MYCBPAP: variants seen among roughly 807,000 people sequenced by gnomAD.
The protein encoded by MYCBPAP is MYCBP associated protein.
In MYCBPAP, 60 loss-of-function variants were observed where a neutral mutation model predicts 106.1. The observed-to-expected ratio is 0.57, with a 90% confidence interval of 0.46 to 0.70. MYCBPAP has a LOEUF of 0.70. MYCBPAP is among the 30% of genes least tolerant of loss of function. MYCBPAP has a pLI of 0.00. For missense variants in MYCBPAP, 1,064 were observed against 1,169.3 expected (o/e 0.91, Z 1.31); for synonymous variants, 407 against 440.6 (o/e 0.92, Z 0.95).
At chr17:50,508,912 G>T in intron 1 of MYCBPAP, 162 bp downstream of exon 1, 1 of 756,150 alleles carries the variant, frequency 1.3e-6, no homozygotes. Flanking sequence ...GGGATGGGGG[G>T]CAAGGCAGGA....
At chr17:50,514,141 G>A (rs1040877953) in intron 1 of MYCBPAP, among the ~76,000 whole-genome samples, 3 of 152,074 alleles carry the variant, frequency 2.0e-5, no homozygotes, top group South Asian at 4.2e-4. Context: ...CTCCCATCTC[G>A]GCCTCTCAAA....
chr17:50,516,463 C>T, intron 1 of MYCBPAP, 107 bp from the exon 2 acceptor site: 1 of 1,334,276 alleles, frequency 7.5e-7, no homozygotes, highest in South Asian at 1.6e-5. Flanking sequence ...AGCTCTGCCC[C>T]CCACCATGGA....
At chr17:50,527,237 G>A in intron 14 of MYCBPAP, 50 bp from the exon 15 acceptor site, 1 of 1,610,178 alleles carries the variant, frequency 6.2e-7, no homozygotes, top group Non-Finnish European at 8.5e-7. Flanking sequence ...CTTCACTAGA[G>A]GACACAGCCT....
At chr17:50,529,480 G>A (rs1275019599) in intron 18 of MYCBPAP, 8 of 400,748 alleles carry the variant, frequency 2.0e-5, no homozygotes, top group East Asian at 5.6e-5. Flanking sequence ...CCAAGTAGAC[G>A]TCCAGTAAAG....
chr17:50,510,499 G>GTGTGTATATATATATA (rs1418345705), intron 1 of MYCBPAP: 17 of 76,416 alleles, frequency 2.2e-4, no homozygotes, highest in East Asian at 8.5e-4. Flanking sequence ...GTGTGTGTGT[G>GTGTGTATATATATATA]TATATATATA....
chr17:50,525,292 T>C (rs142395511), intron 13 of MYCBPAP, among the ~76,000 whole-genome samples: 2 of 152,306 alleles, frequency 1.3e-5, no homozygotes, highest in East Asian at 3.9e-4. Context: ...CCTGAAACCA[T>C]TCCCCAACTC....
At chr17:50,510,499 G>GTATGTATA (rs1555618059) in intron 1 of MYCBPAP, 3 of 76,414 alleles carry the variant, frequency 3.9e-5, no homozygotes, top group Admixed American at 1.6e-4. Flanking sequence ...GTGTGTGTGT[G>GTATGTATA]TATATATATA....
In MYCBPAP at chr17:50,510,497, G is replaced by C. The variant is rs199804519; in HGVS notation, c.76+1747G>C. 80 of 89,498 alleles carry C rather than the reference G, an allele frequency of 8.9e-4. 1 individual carries two copies. Among genetic ancestry groups the C allele is most frequent in the African/African-American group, 4.1e-3 (79 of 19,450 alleles). 5.5% of individuals were successfully genotyped at this position (89,498 alleles called of 1,614,324 possible). A position where few individuals can be genotyped will look rare whatever the true frequency, so the allele number is the denominator to read the frequency against. On this transcript the variant is annotated intron_variant, in intron 1 of 18. Coordinates refer to ENST00000323776, the MANE Select transcript of MYCBPAP (RefSeq NM_032133.6). ...TATGTGTGTGTGTGTGTGTGTGTGT[G>C]TGTATATATATATATATATATATAT...
In MYCBPAP at chr17:50,519,088, A is replaced by G; in HGVS notation, c.767A>G (p.Lys256Arg). 6.2e-7 allele frequency: 1 copy of G among 1,609,548 alleles called. No homozygotes were observed. Among genetic ancestry groups the G allele is most frequent in the South Asian group, 1.1e-5 (1 of 90,934 alleles). ...DCTLPTRRDR[K>R]SWENSGFWSR... Reference sequence around the variant, plus strand: ...ACACTTCCAACCCGGCGTGATAGGAAAGTGAGGCCACCTGTCCTAAGTGCC... The same window carrying G: ...ACACTTCCAACCCGGCGTGATAGGAGAGTGAGGCCACCTGTCCTAAGTGCC... The change falls in exon 6 of 19, where the codon AAA becomes AGA. Residue 256 changes from lysine to arginine, a missense_variant and splice_region_variant. Lys to Arg is a conservative substitution (Grantham distance 26). Coordinates refer to ENST00000323776, the MANE Select transcript of MYCBPAP (RefSeq NM_032133.6).
At position 50,522,040 on chromosome 17, in the gene MYCBPAP, A is replaced by G. The variant is rs758192884; in HGVS notation, c.1216A>G (p.Lys406Glu). ...ILGPSLLFCGKPACWIRGSNP... is the reference protein window; with the variant it reads ...ILGPSLLFCGEPACWIRGSNP... Reference sequence around the variant, plus strand: ...CGGCCCTTCTCTGCTGTTCTGTGGGAAGCCAGCTTGCTGGATCAGAGGCAG... The same window carrying G: ...CGGCCCTTCTCTGCTGTTCTGTGGGGAGCCAGCTTGCTGGATCAGAGGCAG... Residue 406 changes from lysine (K) to glutamate (E), a missense_variant, in exon 10 of 19, where the codon AAG becomes GAG. Physicochemically the swap from Lys to Glu is moderately conservative, Grantham distance 56. Transcript: ENST00000323776. 1.2e-6 allele frequency: 2 copies of G among 1,614,002 alleles called. No homozygotes were observed. Among genetic ancestry groups the G allele is most frequent in the South Asian group, 2.2e-5 (2 of 91,062 alleles).
rs542554674 is a variant in MYCBPAP at position 50,519,628 on chromosome 17, C to T, written c.769-12C>T. The T allele has an allele frequency of 5.6e-6, 9 of 1,613,838 alleles. No homozygotes were observed. The African/African-American group carries it at 1.1e-4, about 19-fold the overall frequency. On this transcript the variant is annotated splice_polypyrimidine_tract_variant and intron_variant, in intron 6 of 18. Transcript: ENST00000323776. ...GTCCTGGTAATCTGACTCACCTTTC[C>T]TTCCTTGCCAGAGCTGGGAGAACAG...
chr17:50,523,075 T>G lies in MYCBPAP; in HGVS notation c.1394T>G (p.Phe465Cys). Reference protein sequence around the residue: ...DWRRQHQPDTFQDLKKNRMQR... With the variant: ...DWRRQHQPDTCQDLKKNRMQR... ...CGACGGCAGCACCAGCCGGACACTTTCCAAGACCTTAAGAAAAACAGGATG... is the reference window on the plus strand; with the variant it reads ...CGACGGCAGCACCAGCCGGACACTTGCCAAGACCTTAAGAAAAACAGGATG... Residue 465 changes from phenylalanine to cysteine, a missense_variant, in exon 11 of 19, where the codon TTC (phenylalanine) becomes TGC (cysteine). Phe to Cys is a radical substitution (Grantham distance 205). Transcript: ENST00000323776. 2 of 1,614,108 alleles carry G rather than the reference T, an allele frequency of 1.2e-6. No homozygotes were observed. The highest frequency in any genetic ancestry group is 2.2e-5 in the South Asian group (2 of 91,066).
rs2033747737 is a variant in MYCBPAP at position 50,509,548 on chromosome 17, G to C, written c.76+798G>C. 4 of 157,218 alleles carry C rather than the reference G, an allele frequency of 2.5e-5. No homozygotes were observed. In the South Asian group the frequency reaches 6.5e-4, roughly 26 times the overall value. The allele number at this position is 157,218 out of a possible 1,614,324, so 9.7% of individuals were successfully genotyped here. On this transcript the variant is annotated intron_variant, in intron 1 of 18. Transcript: ENST00000323776. ...TAGCTTTTTTTTTCTGTGTGTGTGT[G>C]TGTGTGTGTGTGTGTGTGTGTGTGT... is the stretch of plus-strand genomic sequence containing the variant.
rs2034541627 is a variant in MYCBPAP at position 50,528,809 on chromosome 17, A to G, written c.2522A>G (p.Asp841Gly). The change falls in exon 17 of 19, where the codon GAC becomes GGC. Residue 841 changes from aspartate to glycine, a missense_variant. Transcript: ENST00000323776. Reference protein sequence around the residue: ...KKQLGIKDKEDKKGAKLLGKE... With the variant: ...KKQLGIKDKEGKKGAKLLGKE... The stretch of plus-strand genomic sequence containing the variant: ...CAACTGGGGATCAAAGACAAAGAAG[A>G]CAAGAAAGGAGCCAAGCTGCTCGGG... The G allele has an allele frequency of 6.2e-7, 1 of 1,613,880 alleles. No individual in the cohort carries two copies. Among genetic ancestry groups the G allele is most frequent in the Non-Finnish European group, 8.5e-7 (1 of 1,179,992 alleles).
intron 4 of MYCBPAP, among the ~76,000 whole-genome samples, chr17:50,518,207 C>G (rs2034122617): frequency 6.6e-6 from 1 of 152,224 alleles, no homozygotes; most frequent in South Asian, 2.1e-4. Flanking sequence ...TCTGATTGGT[C>G]AGGCGCTAAG....
rs1010535358 is a variant in MYCBPAP at position 50,508,680 on chromosome 17, G to A, written c.6G>A (p.Lys2=). ...TCATGGTGCCGGGCGGCACCATGAA[G>A]TCTCTAAAGAAGGATTCCCGCCTCA... M[K]SLKKDSRLRI... is the part of the protein sequence containing the mutation. Residue 2 remains lysine, a synonymous_variant, in exon 1 of 19, where the codon AAG becomes AAA. Coordinates refer to ENST00000323776, the MANE Select transcript of MYCBPAP (RefSeq NM_032133.6). The A allele has an allele frequency of 3.7e-6, 6 of 1,606,562 alleles. No homozygotes were observed. The African/African-American group carries it at 5.4e-5, about 14-fold the overall frequency.
intron 4 of MYCBPAP, among the ~76,000 whole-genome samples, chr17:50,518,162 G>T (rs1465677569): frequency 6.6e-6 from 1 of 152,206 alleles, no homozygotes; most frequent in Non-Finnish European, 1.5e-5. Context: ...TGCTTCACCT[G>T]TCTCTTCCCC....
At chr17:50,514,619 G>A (rs1011460282) in intron 1 of MYCBPAP, among the ~76,000 whole-genome samples, 12 of 152,020 alleles carry the variant, frequency 7.9e-5, no homozygotes, top group Middle Eastern at 3.2e-3. Flanking sequence ...CTGCCACAAC[G>A]GACTCTTAAA....
intron 7 of MYCBPAP, chr17:50,520,852 T>A: frequency 2.3e-6 from 1 of 438,108 alleles, no homozygotes; most frequent in South Asian, 2.3e-5. Flanking sequence ...AAGCACTCAA[T>A]AAAAGGTAGC....
Sources: allele counts gnomAD v4.1 joint callset (sites outside exome capture counted in the v4.1 genomes callset), GRCh38; gene constraint gnomAD v4.1.1; transcripts MANE v1.5; gene names NCBI Gene and HGNC (gene_info 2026-07-23, HGNC 2026-07-21).